The following CDH4 variants were observed in gnomAD, a reference collection of about 807,000 sequenced individuals.
The protein encoded by CDH4 is cadherin-4.
A neutral mutation model predicts 86.0 loss-of-function variants in CDH4; 33 were observed. The observed-to-expected ratio is 0.38, with a 90% CI of 0.29 to 0.51. The LOEUF (loss-of-function observed/expected upper bound fraction) is 0.51, where lower values mean the gene tolerates loss of function less well. Among genes scored for constraint, CDH4 ranks in the 20% least tolerant of loss-of-function variants. CDH4 has a pLI of 0.86. For missense variants in CDH4, 1,114 were observed against 1,307.4 expected, an observed-to-expected ratio of 0.85 and a Z score of 2.28; for synonymous variants, 555 against 549.4, an observed-to-expected ratio of 1.01 and a Z score of -0.14.
At chr20:61,786,419 A>T (rs566189774) in intron 4 of CDH4, among the ~76,000 whole-genome samples, 1 of 152,232 alleles carries the variant, frequency 6.6e-6, no homozygotes, top group East Asian at 1.9e-4. Context: ...TCCCCGCTGA[A>T]GCCAGAGGGA....
chr20:61,322,323 G>T (rs1381213947), intron 2 of CDH4, among the ~76,000 whole-genome samples: 1 of 152,198 alleles, frequency 6.6e-6, no homozygotes, highest in African/African-American at 2.4e-5. Flanking sequence ...CTCTGTGGGT[G>T]CACCAGGCTC....
chr20:61,521,848 C>T (rs1287332680), intron 2 of CDH4, among the ~76,000 whole-genome samples: 3 of 152,288 alleles, frequency 2.0e-5, no homozygotes, highest in South Asian at 2.1e-4. Context: ...GGCAGTGCAA[C>T]GGCCGGCCTG....
intron 2 of CDH4, among the ~76,000 whole-genome samples, chr20:61,592,966 G>A (rs1568701818): frequency 6.6e-6 from 1 of 152,156 alleles, no homozygotes; most frequent in Non-Finnish European, 1.5e-5. Context: ...GGGTTACCTG[G>A]GTGGGCCCTA....
intron 2 of CDH4, among the ~76,000 whole-genome samples, chr20:61,643,747 C>T (rs541241167): frequency 1.3e-5 from 2 of 152,378 alleles, no homozygotes; most frequent in Non-Finnish European, 2.9e-5. Context: ...TGCTGCTACA[C>T]CAGATCCTCA....
At chr20:61,743,409 A>G (rs974054285) in intron 2 of CDH4, among the ~76,000 whole-genome samples, 154 bp from the exon 3 acceptor site, 2 of 152,164 alleles carry the variant, frequency 1.3e-5, no homozygotes, top group Non-Finnish European at 2.9e-5. Flanking sequence ...TTGAGATAAA[A>G]CACACCACCT....
chr20:61,265,843 G>A (rs896709000), intron 2 of CDH4, among the ~76,000 whole-genome samples: 4 of 152,202 alleles, frequency 2.6e-5, no homozygotes, highest in Admixed American at 1.3e-4. Flanking sequence ...TTCTCAGCCC[G>A]TCCTGCCTGG....
At chr20:61,718,836 C>A (rs1294312938) in intron 2 of CDH4, 1 of 471,096 alleles carries the variant, frequency 2.1e-6, no homozygotes, top group Non-Finnish European at 4.4e-6. Context: ...CCAGCGACAG[C>A]TGGCTCTATC....
At chr20:61,853,489 C>A (rs1809707416) in intron 6 of CDH4, among the ~76,000 whole-genome samples, 1 of 152,174 alleles carries the variant, frequency 6.6e-6, no homozygotes, top group Non-Finnish European at 1.5e-5. Context: ...AAGAGCCTGT[C>A]CCCCGAGACT....
At chr20:61,390,761 G>A (rs1422719197) in intron 2 of CDH4, among the ~76,000 whole-genome samples, 4 of 146,756 alleles carry the variant, frequency 2.7e-5, no homozygotes, top group East Asian at 2.1e-4. Context: ...CCATAGTGCC[G>A]TGTCTGGGAA....
intron 2 of CDH4, among the ~76,000 whole-genome samples, chr20:61,563,791 G>A (rs6061640): frequency 0.27 from 40,509 of 152,066 alleles, 5,979 homozygotes; most frequent in African/African-American, 0.39. Context: ...GTGTCCTTTC[G>A]CCCCGTAATG....
chr20:61,851,069 G>A (rs758669952), intron 5 of CDH4, among the ~76,000 whole-genome samples: 7 of 152,256 alleles, frequency 4.6e-5, no homozygotes, highest in Non-Finnish European at 1.5e-5. Context: ...GCAGGACGGA[G>A]CTGCAGATGG....
At chr20:61,565,264 TGGTGGTCCTCTTGGTG>T (rs2086274911) in intron 2 of CDH4, among the ~76,000 whole-genome samples, 3 of 96,218 alleles carry the variant, frequency 3.1e-5, no homozygotes, top group Non-Finnish European at 4.5e-5. Context: ...GTGATGGTGG[TGGTGGTCCTCTTGGTG>T]ATGGGGTGAT....
At position 61,884,410 on chromosome 20, in the gene CDH4, G is replaced by A. The variant is rs532432460; in HGVS notation, c.1051-10500G>A. Among the ~76,000 whole-genome samples the A allele has an allele frequency of 7.2e-5, 11 of 152,234 alleles. No individual in the cohort carries two copies. In the East Asian group the frequency reaches 7.7e-4, roughly 11 times the overall value. ...TCATCCTGCAGGAGGCAAAGTCTGCGGAGCCAGAAGTGGTGAGGGAGAGAC... is the reference window on the plus strand; with the variant it reads ...TCATCCTGCAGGAGGCAAAGTCTGCAGAGCCAGAAGTGGTGAGGGAGAGAC... On this transcript the variant is annotated intron_variant, in intron 7 of 15. Coordinates refer to ENST00000614565, the MANE Select transcript of CDH4 (RefSeq NM_001794.5).
At chr20:61,543,579 T>C (rs1305099341) in intron 2 of CDH4, among the ~76,000 whole-genome samples, 1 of 152,232 alleles carries the variant, frequency 6.6e-6, no homozygotes, top group Non-Finnish European at 1.5e-5. Context: ...TAGTCAGTTA[T>C]ACAATTAAAA....
chr20:61,266,529 C>T (rs1008297906), intron 2 of CDH4, among the ~76,000 whole-genome samples: 1 of 151,814 alleles, frequency 6.6e-6, no homozygotes. Flanking sequence ...AAGGTTGGTG[C>T]ATGAGTTTGC....
At chr20:61,275,528 A>AGTTTGGGGGAGTACCATGCG (rs2084225929) in intron 2 of CDH4, among the ~76,000 whole-genome samples, 2 of 94,904 alleles carry the variant, frequency 2.1e-5, no homozygotes, top group Non-Finnish European at 4.0e-5. Flanking sequence ...AGTACCATGC[A>AGTTTGGGGGAGTACCATGCG]CAGTTTGGGG....
At chr20:61,906,701 G>A (rs1168303626) in intron 8 of CDH4, among the ~76,000 whole-genome samples, 2 of 152,134 alleles carry the variant, frequency 1.3e-5, no homozygotes, top group African/African-American at 4.8e-5. Flanking sequence ...CCCAGCAGAG[G>A]GAATGGCCCG....
intron 9 of CDH4, among the ~76,000 whole-genome samples, chr20:61,920,908 CGTG>C (rs1189199705): frequency 6.2e-5 from 9 of 144,124 alleles, no homozygotes; most frequent in East Asian, 2.1e-4. Flanking sequence ...TGCATGGAAG[CGTG>C]GTGTCGTGGT....
intron 3 of CDH4, 112 bp downstream of exon 3, chr20:61,743,901 C>A: frequency 1.2e-6 from 1 of 817,522 alleles, no homozygotes; most frequent in Non-Finnish European, 2.0e-6. Context: ...TCACCTCCTC[C>A]TCGGGCTGTG....
Sources: gnomAD v4.1 joint callset for allele counts (sites outside exome capture counted in the v4.1 genomes callset) on GRCh38, gnomAD v4.1.1 for gene constraint, MANE v1.5 for transcripts, NCBI Gene and HGNC (gene_info 2026-07-23, HGNC 2026-07-21) for gene names.